The following PELI2 variants were observed in gnomAD, a reference collection of about 807,000 sequenced individuals.
PELI2 encodes E3 ubiquitin-protein ligase pellino homolog 2.
Under a neutral mutation model 42.3 loss-of-function variants are expected in PELI2, and 23 were observed. The ratio of observed to expected loss-of-function variants is 0.54; its 90% CI spans 0.39 to 0.77. The LOEUF is 0.77. PELI2 is among the 30% of genes least tolerant of loss of function. PELI2 has a pLI of 0.00. For synonymous variants in PELI2, 245 were observed against 212.2 expected, an observed-to-expected ratio of 1.15 and a Z score of -1.34; for missense variants, 463 against 553.2, an observed-to-expected ratio of 0.84 and a Z score of 1.64.
At chr14:56,138,382 A>G (rs1373147478) in intron 1 of PELI2, among the ~76,000 whole-genome samples, 1 of 152,174 alleles carries the variant, frequency 6.6e-6, no homozygotes, top group East Asian at 1.9e-4. Context: ...ATTAGAAAAC[A>G]CATTTTCCAG....
intron 1 of PELI2, among the ~76,000 whole-genome samples, chr14:56,172,361 G>A (rs1303617844): frequency 6.6e-6 from 1 of 152,146 alleles, no homozygotes; most frequent in Non-Finnish European, 1.5e-5. Flanking sequence ...CAGGGTAGTC[G>A]GCTTTTCACA....
intron 2 of PELI2, among the ~76,000 whole-genome samples, chr14:56,271,401 C>G (rs1003407387): frequency 6.6e-6 from 1 of 152,138 alleles, no homozygotes; most frequent in Admixed American, 6.5e-5. Context: ...AGCAATACAC[C>G]TTGACATAGA....
At chr14:56,186,722 A>G (rs576709127) in intron 2 of PELI2, among the ~76,000 whole-genome samples, 86 of 152,262 alleles carry the variant, frequency 5.6e-4, no homozygotes, top group African/African-American at 2.0e-3. Flanking sequence ...CAGTAACTTA[A>G]TTATCTGTGT....
intron 5 of PELI2, among the ~76,000 whole-genome samples, chr14:56,291,323 T>G (rs1889822604): frequency 6.6e-6 from 1 of 152,184 alleles, no homozygotes; most frequent in South Asian, 2.1e-4. Flanking sequence ...GAGAGAAAGA[T>G]CATCACCAAA....
chr14:56,249,687 C>A (rs997944397), intron 2 of PELI2, among the ~76,000 whole-genome samples: 5 of 152,164 alleles, frequency 3.3e-5, no homozygotes, highest in Admixed American at 3.3e-4. Context: ...CAAGGAATTA[C>A]ACAGCATTTG....
chr14:56,217,268 A>G (rs1357987139), intron 2 of PELI2, among the ~76,000 whole-genome samples: 3 of 152,214 alleles, frequency 2.0e-5, no homozygotes, highest in Non-Finnish European at 2.9e-5. Flanking sequence ...TGTGGTCTGC[A>G]GCCCAGCGCC....
intron 1 of PELI2, among the ~76,000 whole-genome samples, chr14:56,176,125 T>C (rs1464011084): frequency 1.3e-5 from 2 of 152,256 alleles, no homozygotes; most frequent in African/African-American, 2.4e-5. Context: ...GGGAAGATGT[T>C]GGCATGGCCA....
intron 2 of PELI2, among the ~76,000 whole-genome samples, chr14:56,278,686 A>G (rs970447069): frequency 2.0e-5 from 3 of 152,208 alleles, no homozygotes; most frequent in Non-Finnish European, 4.4e-5. Flanking sequence ...AAGGAATTAC[A>G]TTAGTCAAAT....
chr14:56,282,517 A>G (rs1262971126), intron 3 of PELI2, among the ~76,000 whole-genome samples: 2 of 152,088 alleles, frequency 1.3e-5, no homozygotes, highest in South Asian at 4.1e-4. Flanking sequence ...GGGACTGAGC[A>G]GGTGGTATAC....
At position 56,224,772 on chromosome 14, in the gene PELI2, CT is replaced by C. The variant is rs1192502448; in HGVS notation, c.207+46315del. ...GCTTGTTGTATTTTAACAAGGTAAT[CT>C]TTTTTTCACTGGACTTGTGAGACTC... On this transcript the variant is annotated intron_variant, in intron 2 of 5. Transcript: ENST00000267460. Among the ~76,000 whole-genome samples, 9 of 152,248 alleles carry C rather than the reference CT, an allele frequency of 5.9e-5. No homozygotes were observed. In the South Asian group the frequency reaches 1.9e-3, roughly 32 times the overall value.
chr14:56,207,111 G>A (rs1698450541), intron 2 of PELI2, among the ~76,000 whole-genome samples: 2 of 152,106 alleles, frequency 1.3e-5, no homozygotes, highest in African/African-American at 4.8e-5. Context: ...TAAGATTCAT[G>A]AATGGTATCT....
chr14:56,219,164 G>A lies in PELI2; in HGVS notation c.207+40700G>A, dbSNP rs939469415. On this transcript the variant is annotated intron_variant, in intron 2 of 5. Transcript: ENST00000267460. The surrounding 1 kb of genome is among the most constrained non-coding windows in gnomAD (Gnocchi z 4.1). ...ATTCCTTTTTTATTTTTTTTTGGAT[G>A]ACTTGAGGACAATAAGGTGTTTGTT... Among the ~76,000 whole-genome samples the A allele has an allele frequency of 6.0e-5, 9 of 150,414 alleles. No homozygotes were observed. The highest frequency in any genetic ancestry group is 1.2e-4 in the Non-Finnish European group (8 of 67,864).
Position 56,166,190 on chromosome 14 carries a change from C to T in PELI2, c.78-12145C>T, listed in dbSNP as rs80113779. On this transcript the variant is annotated intron_variant, in intron 1 of 5. Transcript: ENST00000267460. ...AGGCTTGCAAATACTATCTTATAAC[C>T]GGTTATTTTAACCCAATAACAACCA... Among the ~76,000 whole-genome samples the T allele has an allele frequency of 7.0e-3, 1,060 of 152,134 alleles. 16 individuals are homozygous for T. Among genetic ancestry groups the T allele is most frequent in the African/African-American group, 0.024 (985 of 41,474 alleles).
intron 2 of PELI2, among the ~76,000 whole-genome samples, chr14:56,262,103 A>G (rs1010487053): frequency 6.6e-6 from 1 of 152,216 alleles, no homozygotes; most frequent in African/African-American, 2.4e-5. Context: ...TCTCTTTCCA[A>G]AAGTACTAGA....
At chr14:56,277,692 G>C (rs1431987016) in intron 2 of PELI2, among the ~76,000 whole-genome samples, 2 of 152,062 alleles carry the variant, frequency 1.3e-5, no homozygotes, top group African/African-American at 4.8e-5. Context: ...CTAGGCCTCA[G>C]GTGACCAGAG....
intron 1 of PELI2, among the ~76,000 whole-genome samples, chr14:56,139,850 T>A (rs1437953547): frequency 1.3e-5 from 2 of 151,684 alleles, no homozygotes; most frequent in Admixed American, 1.3e-4. Context: ...ATTCAGCTCC[T>A]TTCTTTGGAA....
chr14:56,262,798 T>C (rs1463269187), intron 2 of PELI2, among the ~76,000 whole-genome samples: 2 of 101,728 alleles, frequency 2.0e-5, no homozygotes, highest in African/African-American at 9.2e-5. Context: ...TTGATTCTTG[T>C]GTTATATAAT....
intron 1 of PELI2, among the ~76,000 whole-genome samples, chr14:56,151,707 T>C (rs1287973861): frequency 6.6e-6 from 1 of 152,218 alleles, no homozygotes; most frequent in Non-Finnish European, 1.5e-5. Flanking sequence ...GTAAAGTGCT[T>C]AGAACAGTAT....
chr14:56,119,014 C>G (rs1882959805), intron 1 of PELI2: 1 of 169,384 alleles, frequency 5.9e-6, no homozygotes, highest in South Asian at 2.2e-4. Flanking sequence ...GGGGCAGCGC[C>G]GGGCACCGGG....
Sources: allele counts gnomAD v4.1 joint callset (sites outside exome capture counted in the v4.1 genomes callset), GRCh38; gene constraint gnomAD v4.1.1; non-coding constraint Gnocchi (gnomAD v3.1); transcripts MANE v1.5; gene names NCBI Gene and HGNC (gene_info 2026-07-23, HGNC 2026-07-21).